CSMD2: variants seen among roughly 807,000 people sequenced by gnomAD.
The protein encoded by CSMD2 is CUB and Sushi multiple domains 2.
In CSMD2, 130 loss-of-function variants were observed where a neutral mutation model predicts 398.5. That is an observed-to-expected ratio of 0.33 (90% CI 0.28 to 0.38). The LOEUF is 0.38. Ranked by LOEUF, CSMD2 falls within the 10% of genes least tolerant of loss-of-function variation. The pLI, the probability that CSMD2 is intolerant of heterozygous loss-of-function variation, is 1.00. For synonymous variants in CSMD2, 1,828 were observed against 1,908.5 expected, an observed-to-expected ratio of 0.96 and a Z score of 1.10; for missense variants, 3,829 against 4,764.9, an observed-to-expected ratio of 0.80 and a Z score of 5.78.
At chr1:33,823,249 G>T (rs1658370421) in intron 7 of CSMD2, among the ~76,000 whole-genome samples, 1 of 152,208 alleles carries the variant, frequency 6.6e-6, no homozygotes, top group Non-Finnish European at 1.5e-5. Context: ...CTTATACCCA[G>T]CCAGTGCCCC....
intron 3 of CSMD2, among the ~76,000 whole-genome samples, chr1:34,016,398 T>C (rs1392485590): frequency 2.0e-5 from 3 of 151,960 alleles, no homozygotes; most frequent in African/African-American, 7.3e-5. Flanking sequence ...AGTGAGAACA[T>C]GCGGTGTTGG....
At chr1:33,989,597 G>A (rs1221041495) in intron 3 of CSMD2, among the ~76,000 whole-genome samples, 1 of 152,104 alleles carries the variant, frequency 6.6e-6, no homozygotes, top group Non-Finnish European at 1.5e-5. Flanking sequence ...AGGATATTTG[G>A]ATGGATAAAG....
At chr1:33,643,628 C>T (rs1205548165) in intron 29 of CSMD2, among the ~76,000 whole-genome samples, 1 of 152,146 alleles carries the variant, frequency 6.6e-6, no homozygotes, top group Non-Finnish European at 1.5e-5. Context: ...AGGAGTTAGG[C>T]AACTTGTTTC....
chr1:33,851,077 G>A (rs574439854), intron 5 of CSMD2, among the ~76,000 whole-genome samples: 18 of 152,234 alleles, frequency 1.2e-4, no homozygotes, highest in African/African-American at 4.1e-4. Context: ...GGAGTGTTAG[G>A]AGATCTTAGT....
At chr1:34,031,719 G>C (rs9919178) in intron 3 of CSMD2, among the ~76,000 whole-genome samples, 14,751 of 119,368 alleles carry the variant, frequency 0.12, 847 homozygotes, top group East Asian at 0.24. Flanking sequence ...CTTCTTCATT[G>C]AAGAAAGCAT....
At chr1:34,007,410 C>A (rs1229452146) in intron 3 of CSMD2, among the ~76,000 whole-genome samples, 1 of 152,188 alleles carries the variant, frequency 6.6e-6, no homozygotes, top group Non-Finnish European at 1.5e-5. Context: ...TTGGCCTCCT[C>A]TGACCCCTGT....
At chr1:34,068,610 A>G (rs764128295) in intron 2 of CSMD2, among the ~76,000 whole-genome samples, 1 of 152,188 alleles carries the variant, frequency 6.6e-6, no homozygotes, top group African/African-American at 2.4e-5. Flanking sequence ...ATGCTGCAGC[A>G]GTCTTGACAA....
intron 1 of CSMD2, among the ~76,000 whole-genome samples, chr1:34,154,731 T>C (rs1158302305): frequency 1.0e-4 from 14 of 139,848 alleles, no homozygotes; most frequent in Non-Finnish European, 1.7e-4. Context: ...TCCAGGCTTT[T>C]TTTTTTTTTT....
chr1:33,878,112 G>C (rs1640969384), intron 5 of CSMD2: 1 of 152,198 alleles, frequency 6.6e-6, no homozygotes, highest in East Asian at 1.9e-4. Context: ...ATATCTGAGA[G>C]TTGCTTTTCA....
At chr1:33,878,991 G>A (rs1285759650) in intron 5 of CSMD2, among the ~76,000 whole-genome samples, 3 of 152,122 alleles carry the variant, frequency 2.0e-5, no homozygotes, top group African/African-American at 7.2e-5. Context: ...AACAATGTGT[G>A]GTCACTAGTT....
chr1:33,547,535 C>G (rs1657028747), intron 56 of CSMD2, among the ~76,000 whole-genome samples: 1 of 152,196 alleles, frequency 6.6e-6, no homozygotes, highest in Non-Finnish European at 1.5e-5. Flanking sequence ...CCACCACTTG[C>G]CATTTATGTC....
At chr1:33,868,752 A>G (rs1244155058) in intron 5 of CSMD2, among the ~76,000 whole-genome samples, 2 of 151,974 alleles carry the variant, frequency 1.3e-5, no homozygotes, top group Non-Finnish European at 2.9e-5. Context: ...CAAACAAACA[A>G]ACAAACAACA....
chr1:33,957,878 A>G lies in CSMD2; in HGVS notation c.518-21924T>C, dbSNP rs144975834. 5.9e-5 allele frequency among the ~76,000 whole-genome samples: 9 copies of G among 152,014 alleles called. No individual in the cohort carries two copies. The East Asian group carries it at 1.7e-3, about 29-fold the overall frequency. ...CAATAAGCAATTCATTTATCAATAG[A>G]CCTTCCAGATCTCCTGCCATGTGCC... On this transcript the variant is annotated intron_variant, in intron 3 of 70. Transcript: ENST00000373381.
At chr1:33,907,991 A>G (rs975023598) in intron 5 of CSMD2, among the ~76,000 whole-genome samples, 7 of 151,562 alleles carry the variant, frequency 4.6e-5, no homozygotes, top group Non-Finnish European at 8.8e-5. Flanking sequence ...GGAGGCCGAG[A>G]CAAGAGAATC....
chr1:33,675,116 A>C (rs1644658328), intron 25 of CSMD2, among the ~76,000 whole-genome samples: 1 of 152,230 alleles, frequency 6.6e-6, no homozygotes, highest in African/African-American at 2.4e-5. Context: ...ATCAGGGCAG[A>C]ACTGAAGGAA....
At chr1:33,564,586 T>C (rs1053279475) in intron 53 of CSMD2, among the ~76,000 whole-genome samples, 1 of 152,234 alleles carries the variant, frequency 6.6e-6, no homozygotes, top group Non-Finnish European at 1.5e-5. Context: ...TTATTATTTT[T>C]GAGATGGGAT....
In CSMD2 at chr1:34,038,146, C is replaced by G. The variant is rs376361794; in HGVS notation, c.405-5440G>C. ...ATCTTTGAGATCGATTTTAGACACG[C>G]TGAAGACCCCGCAGTTAGGAGGAGC... On this transcript the variant is annotated intron_variant, in intron 2 of 70. Transcript: ENST00000373381. Among the ~76,000 whole-genome samples, 70 of 152,282 alleles carry G rather than the reference C, an allele frequency of 4.6e-4. 1 individual carries two copies. The South Asian group carries it at 0.013, about 28-fold the overall frequency.
At chr1:34,001,999 A>G (rs542130055) in intron 3 of CSMD2, among the ~76,000 whole-genome samples, 6 of 152,342 alleles carry the variant, frequency 3.9e-5, no homozygotes, top group East Asian at 1.9e-4. Context: ...GCTAATGTCT[A>G]ATGATCTGAA....
intron 3 of CSMD2, among the ~76,000 whole-genome samples, chr1:33,972,055 C>T (rs1282565144): frequency 1.3e-5 from 2 of 152,134 alleles, no homozygotes; most frequent in Non-Finnish European, 2.9e-5. Flanking sequence ...ACGACAGCCA[C>T]CCCTTAAGGA....
Sources: gnomAD v4.1 joint callset for allele counts (sites outside exome capture counted in the v4.1 genomes callset) on GRCh38, gnomAD v4.1.1 for gene constraint, MANE v1.5 for transcripts, NCBI Gene and HGNC (gene_info 2026-07-23, HGNC 2026-07-21) for gene names.